The following TEX9 variants were observed in gnomAD, a reference collection of about 807,000 sequenced individuals.
TEX9 encodes testis expressed 9, also known as testis-expressed protein 9.
A neutral mutation model predicts 59.6 loss-of-function variants in TEX9; 74 were observed. The observed-to-expected ratio is 1.24, with a 90% CI of 1.03 to 1.51. TEX9 has a LOEUF of 1.51. Ranked by LOEUF, TEX9 falls within the 40% of genes most tolerant of loss-of-function variation. The pLI, the probability that TEX9 is intolerant of heterozygous loss-of-function variation, is 0.00. For synonymous variants in TEX9, 186 were observed against 152.2 expected, an observed-to-expected ratio of 1.22 and a Z score of -1.64; for missense variants, 522 against 447.8, an observed-to-expected ratio of 1.17 and a Z score of -1.49.
At chr15:56,329,530 CCAATT>C (rs2046097368) in intron 1 of TEX9, among the ~76,000 whole-genome samples, 1 of 151,972 alleles carries the variant, frequency 6.6e-6, no homozygotes, top group South Asian at 2.1e-4. Context: ...TTAGAAAACT[CCAATT>C]CAAGATAATG....
At chr15:56,294,150 G>A (rs1520533) in intron 1 of TEX9, among the ~76,000 whole-genome samples, 148,487 of 152,282 alleles carry the variant, frequency 0.98, 72,513 homozygotes, top group East Asian at 1. Context: ...GTCCACTAGT[G>A]CATATGATTG....
At chr15:56,278,680 A>ACTTTT (rs1480663404) in intron 1 of TEX9, among the ~76,000 whole-genome samples, 1 of 152,078 alleles carries the variant, frequency 6.6e-6, no homozygotes, top group East Asian at 1.9e-4. Flanking sequence ...TTATTGCTGA[A>ACTTTT]CTTTTCCACT....
At chr15:56,262,318 A>C (rs1322645870) in intron 1 of TEX9, among the ~76,000 whole-genome samples, 1 of 152,104 alleles carries the variant, frequency 6.6e-6, no homozygotes, top group African/African-American at 2.4e-5. Flanking sequence ...ACACCACATA[A>C]ATTTTGATGA....
intron 9 of TEX9, among the ~76,000 whole-genome samples, chr15:56,409,584 T>C (rs2049248756): frequency 6.6e-6 from 1 of 152,208 alleles, no homozygotes; most frequent in African/African-American, 2.4e-5. Flanking sequence ...TACTACAGCC[T>C]TGACCTCCCC....
chr15:56,349,007 A>G (rs1372910656), intron 1 of TEX9, among the ~76,000 whole-genome samples: 1 of 151,716 alleles, frequency 6.6e-6, no homozygotes, highest in African/African-American at 2.4e-5. Flanking sequence ...TGTCACCCCT[A>G]TTCTGCTGTT....
intron 1 of TEX9, among the ~76,000 whole-genome samples, chr15:56,271,791 A>G (rs1295498716): frequency 6.6e-6 from 1 of 152,158 alleles, no homozygotes; most frequent in African/African-American, 2.4e-5. Context: ...TCTCTTTTTA[A>G]TTATTAAAAT....
chr15:56,449,496 C>T (rs1316747592), downstream of TEX9, among the ~76,000 whole-genome samples: 2 of 152,142 alleles, frequency 1.3e-5, no homozygotes, highest in African/African-American at 2.4e-5. Context: ...CACTGGATTT[C>T]GTATTGACTA....
At chr15:56,411,240 G>A (rs1332702091) in intron 9 of TEX9, among the ~76,000 whole-genome samples, 1 of 152,182 alleles carries the variant, frequency 6.6e-6, no homozygotes, top group Non-Finnish European at 1.5e-5. Context: ...ACTAACGTGT[G>A]TTAGTGTCTT....
intron 1 of TEX9, among the ~76,000 whole-genome samples, chr15:56,258,170 C>T (rs1340792660): frequency 6.6e-6 from 1 of 152,012 alleles, no homozygotes; most frequent in Non-Finnish European, 1.5e-5. Flanking sequence ...GTACTGGTAC[C>T]ATGCTGTTTT....
chr15:56,345,788 G>A (rs2046459126), intron 1 of TEX9, among the ~76,000 whole-genome samples: 1 of 152,174 alleles, frequency 6.6e-6, no homozygotes, highest in African/African-American at 2.4e-5. Context: ...AGAAGACTGT[G>A]GATAAACTAG....
At chr15:56,365,435 G>A (rs754714236) in exon 1 of TEX9, 5 of 1,609,326 alleles carry the variant, frequency 3.1e-6, no homozygotes, top group Non-Finnish European at 3.4e-6. Flanking sequence ...CGGTAACCGC[G>A]TCGCAGTCGC....
the TEX9 span, chr15:56,456,286 AC>A: frequency 6.1e-6 from 6 of 989,540 alleles, no homozygotes; most frequent in East Asian, 1.7e-4. Context: ...TAAAATATTA[AC>A]TAAGTGAAAT....
intron 1 of TEX9, among the ~76,000 whole-genome samples, chr15:56,244,917 A>G (rs1391588135): frequency 1.3e-5 from 2 of 152,112 alleles, no homozygotes; most frequent in African/African-American, 4.8e-5. Context: ...GGGGCTGATC[A>G]GGGAGGCTGC....
At chr15:56,311,243 C>A (rs1312558036) in intron 1 of TEX9, among the ~76,000 whole-genome samples, 12 of 142,056 alleles carry the variant, frequency 8.4e-5, no homozygotes, top group African/African-American at 2.6e-4. Context: ...GCTGCACCCA[C>A]TAACTCGTCA....
rs770885163 is a variant in TEX9 at position 56,443,592 on chromosome 15, A to G, written c.*30-2079A>G. 4 of 1,584,546 alleles carry G rather than the reference A, an allele frequency of 2.5e-6. No individual in the cohort carries two copies. In the African/African-American group the frequency reaches 4.1e-5, roughly 16 times the overall value. On this transcript the variant is annotated intron_variant, in intron 12 of 12. Transcript: ENST00000352903. ...TTATAGGATCCAAATTCTGTAACTA[A>G]TATTTCAGAATTTTACTAGTGTTAA...
At chr15:56,292,992 G>A (rs1270913773) in intron 1 of TEX9, among the ~76,000 whole-genome samples, 1 of 152,142 alleles carries the variant, frequency 6.6e-6, no homozygotes, top group Non-Finnish European at 1.5e-5. Flanking sequence ...TAAGTCATTT[G>A]CACAAGAATC....
At chr15:56,382,955 A>G (rs1454661142) in intron 3 of TEX9, among the ~76,000 whole-genome samples, 8 of 152,032 alleles carry the variant, frequency 5.3e-5, no homozygotes, top group African/African-American at 1.9e-4. Context: ...CAGCACTAGG[A>G]TTTGCCTAGA....
chr15:56,432,511 G>C (rs1470224208), intron 12 of TEX9, among the ~76,000 whole-genome samples: 4 of 152,118 alleles, frequency 2.6e-5, no homozygotes, highest in Non-Finnish European at 5.9e-5. Flanking sequence ...TCCTTGACTT[G>C]GGGCCAGAAC....
intron 9 of TEX9, among the ~76,000 whole-genome samples, chr15:56,398,970 A>G (rs1386229793): frequency 6.6e-6 from 1 of 152,150 alleles, no homozygotes. Context: ...TGTCTCTACT[A>G]AAAATACAAA....
Sources: allele counts gnomAD v4.1 joint callset (sites outside exome capture counted in the v4.1 genomes callset), GRCh38; gene constraint gnomAD v4.1.1; transcripts MANE v1.5; gene names NCBI Gene and HGNC (gene_info 2026-07-23, HGNC 2026-07-21).